The following HYOU1 variants were observed in gnomAD, a reference collection of about 807,000 sequenced individuals.
HYOU1 encodes the protein hypoxia up-regulated 1, also known as hypoxia up-regulated protein 1.
A neutral mutation model predicts 120.5 loss-of-function variants in HYOU1; 40 were observed. That is an observed-to-expected ratio of 0.33 (90% CI 0.26 to 0.43). The LOEUF is 0.43. HYOU1 is among the 20% of genes least tolerant of loss of function. The pLI is 1.00. For missense variants in HYOU1, 1,085 were observed against 1,278.3 expected (o/e 0.85, Z 2.31); for synonymous variants, 501 against 479.4 (o/e 1.05, Z -0.59).
Position 119,048,091 on chromosome 11 carries a change from T to G in HYOU1, c.2377-11A>C, listed in dbSNP as rs2133560793. On this transcript the variant is annotated splice_polypyrimidine_tract_variant and intron_variant, in intron 20 of 25. Coordinates refer to ENST00000617285, the MANE Select transcript of HYOU1 (RefSeq NM_006389.5). This position sits in a 1 kb window ranked among gnomAD's most constrained non-coding sequence, Gnocchi z 4.7. ...CTTCTCCTTCAACATCTGATGGATG[T>G]GCGATTGGGCAGAGGGGTGGAAGGG... 3.2e-5 allele frequency: 51 copies of G among 1,613,974 alleles called. No individual in the cohort carries two copies. The African/African-American group carries it at 4.9e-4, about 16-fold the overall frequency.
rs1434268531 is a variant in HYOU1 at position 119,055,925 on chromosome 11, C to T, written c.92-82G>A. Reference sequence around the variant, plus strand: ...CCCTCTAATCAAAGCATACCACTTTCCATGGGTAAACGAAGATGGCAAAAG... The same window carrying T: ...CCCTCTAATCAAAGCATACCACTTTTCATGGGTAAACGAAGATGGCAAAAG... On this transcript the variant is annotated intron_variant, in intron 2 of 25. Transcript: ENST00000617285. This position sits in a 1 kb window ranked among gnomAD's most constrained non-coding sequence, Gnocchi z 4.0. The T allele has an allele frequency of 7.1e-7, 1 of 1,415,294 alleles. No homozygotes were observed. The highest frequency in any genetic ancestry group is 1.0e-6 in the Non-Finnish European group (1 of 1,000,428). The allele number at this position is 1,415,294 out of a possible 1,614,324, so 87.7% of individuals were successfully genotyped here.
Position 119,051,577 on chromosome 11 carries a change from T to C in HYOU1, c.1387A>G (p.Lys463Glu). The change falls in exon 13 of 26, where the codon AAG becomes GAG. Residue 463 changes from lysine (K) to glutamate (E), a missense_variant. Lys to Glu is a moderately conservative substitution (Grantham distance 56). Around this residue, in one of 4 missense-constraint regions of HYOU1, gnomAD observed 515 missense variants for 677.8 expected, o/e 0.76. Transcript: ENST00000617285. The surrounding 1 kb of genome is among the most constrained non-coding windows in gnomAD (Gnocchi z 4.2). ...GAGAAGAGTACCCGTTTATTGTGCT[T>C]CAGGCTGTGAATCCCAGGCTCCTCC... The part of the protein sequence containing the change: ...VEEEPGIHSL[K>E]HNKRVLFSRM... The C allele has an allele frequency of 6.2e-7, 1 of 1,614,070 alleles. No homozygotes were observed. Among genetic ancestry groups the C allele is most frequent in the Non-Finnish European group, 8.5e-7 (1 of 1,180,008 alleles).
rs2133611364 is a variant in HYOU1, at chr11:119,055,223, G to C, written c.381C>G (p.Phe127Leu). The C allele has an allele frequency of 6.2e-7, 1 of 1,613,994 alleles. No homozygotes were observed. The highest frequency in any genetic ancestry group is 8.5e-7 in the Non-Finnish European group (1 of 1,180,020). The change falls in exon 5 of 26, where the codon TTC (phenylalanine) becomes TTG (leucine). Residue 127 changes from phenylalanine to leucine, a missense_variant. Phe to Leu is a conservative substitution (Grantham distance 22). This residue lies in a region of HYOU1 where 515 missense variants were observed against 677.8 expected (regional missense o/e 0.76). Transcript: ENST00000617285. The surrounding 1 kb of genome is among the most constrained non-coding windows in gnomAD (Gnocchi z 4.0). ...AGTGCACAGTCTGCCTCTGTGGGTC[G>C]AAAGTCAGCTCGTGCTCCGGGAAGC... ...QARFPEHELT[F>L]DPQRQTVHFQ...
At chr11:119,053,847 A>C (rs1482871671) in intron 8 of HYOU1, 1 of 333,568 alleles carries the variant, frequency 3.0e-6, no homozygotes, top group Non-Finnish European at 5.5e-6. Context: ...CAAAAACATG[A>C]TTGAATCTGA....
rs1340775327 is a variant in HYOU1 at position 119,049,599 on chromosome 11, C to T, written c.1763G>A (p.Gly588Asp). The T allele has an allele frequency of 6.2e-7, 1 of 1,614,010 alleles. No individual in the cohort carries two copies. The highest frequency in any genetic ancestry group is 8.5e-7 in the Non-Finnish European group (1 of 1,180,036). The change falls in exon 16 of 26, where the codon GGT (glycine) becomes GAT (aspartate). Residue 588 changes from glycine to aspartate, a missense_variant. Physicochemically the swap from Gly to Asp is moderately conservative, Grantham distance 94. This residue lies in a region of HYOU1 where 516 missense variants were observed against 517.1 expected (regional missense o/e 1.00). Transcript: ENST00000617285. ...GNTISSLFGG[G>D]TTPDAKENGT... ...ATTCTCCTTGGCATCTGGTGTGGTACCGCCTCCAAACAGGCTGGAAATGGT... is the reference window on the plus strand; with the variant it reads ...ATTCTCCTTGGCATCTGGTGTGGTATCGCCTCCAAACAGGCTGGAAATGGT...
rs2133588517 is a variant in HYOU1 at position 119,051,879 on chromosome 11, G to A, written c.1278C>T (p.Leu426=). 22 of 1,614,158 alleles carry A rather than the reference G, an allele frequency of 1.4e-5. No homozygotes were observed. The East Asian group carries it at 4.5e-4, about 33-fold the overall frequency. ...ATGGCTTCACTTTAAAGGCTTTGCTGAGCGCAGCTGCCTGGTACACTGCCC... is the reference window on the plus strand; with the variant it reads ...ATGGCTTCACTTTAAAGGCTTTGCTAAGCGCAGCTGCCTGGTACACTGCCC... ...AMGAVYQAAA[L]SKAFKVKPFV... is the part of the protein sequence containing the mutation. The change falls in exon 12 of 26, where the codon CTC becomes CTT. Residue 426 remains leucine (L), a synonymous_variant. Coordinates refer to ENST00000617285, the MANE Select transcript of HYOU1 (RefSeq NM_006389.5). This position sits in a 1 kb window ranked among gnomAD's most constrained non-coding sequence, Gnocchi z 4.2.
rs2133588185 is a variant in HYOU1, at chr11:119,051,824, T to C, written c.1333A>G (p.Ile445Val). ...GCTCAGTCAGGCTCACTCACCAGGATGGGGTAGACCACTGCATCTCGGACG... is the reference window on the plus strand; with the variant it reads ...GCTCAGTCAGGCTCACTCACCAGGACGGGGTAGACCACTGCATCTCGGACG... ...FVVRDAVVYPILVEFTREVEE... is the reference protein window; with the variant it reads ...FVVRDAVVYPVLVEFTREVEE... The change falls in exon 12 of 26, where the codon ATC becomes GTC. Residue 445 changes from isoleucine (I) to valine (V), a missense_variant. Ile to Val is a conservative substitution (Grantham distance 29, BLOSUM62 3). This residue lies in a region of HYOU1 where 515 missense variants were observed against 677.8 expected (regional missense o/e 0.76). Coordinates refer to ENST00000617285, the MANE Select transcript of HYOU1 (RefSeq NM_006389.5). This position sits in a 1 kb window ranked among gnomAD's most constrained non-coding sequence, Gnocchi z 4.2. The C allele has an allele frequency of 6.2e-7, 1 of 1,614,128 alleles. No homozygotes were observed. The highest frequency in any genetic ancestry group is 8.5e-7 in the Non-Finnish European group (1 of 1,180,000).
rs1195939452 is a variant in HYOU1 at position 119,047,928 on chromosome 11, G to A, written c.2510+19C>T. 5 of 1,614,064 alleles carry A rather than the reference G, an allele frequency of 3.1e-6. No individual in the cohort carries two copies. In the East Asian group the frequency reaches 6.7e-5, roughly 22 times the overall value. ...AGTGGCCTTGGCAGGACTGCAAAAA[G>A]GGTTCAGGGGCTGCTCACTTGAGGA... On this transcript the variant is annotated intron_variant, in intron 21 of 25. Transcript: ENST00000617285.
intron 16 of HYOU1, 25 bp from the exon 17 acceptor site, chr11:119,049,228 G>C (rs2133570902): frequency 1.9e-6 from 3 of 1,588,022 alleles, no homozygotes; most frequent in East Asian, 4.5e-5. Flanking sequence ...AGGCGCCCCA[G>C]GGAACGATCA....
In HYOU1 at chr11:119,048,843, G is replaced by A. The variant is rs1186136436; in HGVS notation, c.2036C>T (p.Pro679Leu). Residue 679 changes from proline (P) to leucine (L), a missense_variant, in exon 18 of 26, where the codon CCA (proline) becomes CTA (leucine). Physicochemically the swap from Pro to Leu is moderately conservative, Grantham distance 98. This residue lies in a region of HYOU1 where 516 missense variants were observed against 517.1 expected (regional missense o/e 1.00). Coordinates refer to ENST00000617285, the MANE Select transcript of HYOU1 (RefSeq NM_006389.5). The surrounding 1 kb of genome is among the most constrained non-coding windows in gnomAD (Gnocchi z 4.7). ...KAEAGPEGVAPAPEGEKKQKP... is the reference protein window; with the variant it reads ...KAEAGPEGVALAPEGEKKQKP... Reference sequence around the variant, plus strand: ...CTGCTTCTTCTCTCCCTCTGGGGCTGGAGCGACGCCCTCAGGCCCTGCCTC... The same window carrying A: ...CTGCTTCTTCTCTCCCTCTGGGGCTAGAGCGACGCCCTCAGGCCCTGCCTC... 10 of 1,613,460 alleles carry A rather than the reference G, an allele frequency of 6.2e-6. No homozygotes were observed. The highest frequency in any genetic ancestry group is 1.3e-5 in the African/African-American group (1 of 74,898).
chr11:119,052,320 G>C lies in HYOU1; in HGVS notation c.1097C>G (p.Ala366Gly), dbSNP rs2133591921. The C allele has an allele frequency of 1.2e-6, 2 of 1,614,196 alleles. No homozygotes were observed. Among genetic ancestry groups the C allele is most frequent in the African/African-American group, 2.7e-5 (2 of 75,044 alleles). ...FERVPGPVQQALQSAEMSLDE... is the reference protein window; with the variant it reads ...FERVPGPVQQGLQSAEMSLDE... ...CAGACTCATTTCGGCACTCTGGAGGGCCTGCTGTACAGGCCCAGGCACCCG... is the reference window on the plus strand; with the variant it reads ...CAGACTCATTTCGGCACTCTGGAGGCCCTGCTGTACAGGCCCAGGCACCCG... The change falls in exon 10 of 26, where the codon GCC becomes GGC. Residue 366 changes from alanine (A) to glycine (G), a missense_variant. Ala to Gly is a moderately conservative substitution (Grantham distance 60). Around this residue, in one of 4 missense-constraint regions of HYOU1, gnomAD observed 515 missense variants for 677.8 expected, o/e 0.76. Transcript: ENST00000617285. The surrounding 1 kb of genome is among the most constrained non-coding windows in gnomAD (Gnocchi z 5.0).
chr11:119,048,975 T>G lies in HYOU1; in HGVS notation c.1992+43A>C. On this transcript the variant is annotated intron_variant, in intron 17 of 25. Transcript: ENST00000617285. The surrounding 1 kb of genome is among the most constrained non-coding windows in gnomAD (Gnocchi z 4.7). ...AGAAACAAGGCAGGCGCCTGCTCCC[T>G]TAGCCTCTGGATCCACACTGGCCTT... 3.7e-6 allele frequency: 6 copies of G among 1,612,580 alleles called. No individual in the cohort carries two copies. Among genetic ancestry groups the G allele is most frequent in the Non-Finnish European group, 5.1e-6 (6 of 1,178,834 alleles).
Position 119,055,600 on chromosome 11 carries a change from G to A in HYOU1, c.186-29C>T. The A allele has an allele frequency of 6.3e-7, 1 of 1,596,434 alleles. No homozygotes were observed. Among genetic ancestry groups the A allele is most frequent in the Non-Finnish European group, 8.6e-7 (1 of 1,163,938 alleles). On this transcript the variant is annotated intron_variant, in intron 3 of 25. Coordinates refer to ENST00000617285, the MANE Select transcript of HYOU1 (RefSeq NM_006389.5). The surrounding 1 kb of genome is among the most constrained non-coding windows in gnomAD (Gnocchi z 4.0). ...AGGAAAAGAGATTTTGGGCCCAGGT[G>A]CCTGCAGCAGAAGGACTCAGAAGCC... is the stretch of plus-strand genomic sequence containing the variant.
At position 119,054,192 on chromosome 11, in the gene HYOU1, G is replaced by A; in HGVS notation, c.723C>T (p.Thr241=). Residue 241 remains threonine (T), a synonymous_variant, in exon 8 of 26, where the codon ACC becomes ACT. Transcript: ENST00000617285. The part of the protein sequence containing the change: ...YDMGSGSTVC[T]IVTYQMVKTK... ...TCTTCACCATCTGGTAGGTCACAAT[G>A]GTGCATACGGTGCTGCCTGAGCCCA... 1.2e-6 allele frequency: 2 copies of A among 1,614,070 alleles called. No homozygotes were observed. The highest frequency in any genetic ancestry group is 8.5e-7 in the Non-Finnish European group (1 of 1,179,932).
In HYOU1 at chr11:119,046,483, G is replaced by A. The variant is rs2133550172; in HGVS notation, c.2837-16C>T. The A allele has an allele frequency of 6.2e-7, 1 of 1,614,118 alleles. No individual in the cohort carries two copies. Among genetic ancestry groups the A allele is most frequent in the South Asian group, 1.1e-5 (1 of 91,086 alleles). ...TCAGTCTGGCCTAGAAGGAAACCAG[G>A]GGTAAGACATAGCCTCAGGAAGGAA... is the stretch of plus-strand genomic sequence containing the variant. On this transcript the variant is annotated splice_polypyrimidine_tract_variant and intron_variant, in intron 23 of 25. Transcript: ENST00000617285.
intron 24 of HYOU1, among the ~76,000 whole-genome samples, chr11:119,046,153 A>G (rs897398352): frequency 6.6e-6 from 1 of 151,090 alleles, no homozygotes; most frequent in Non-Finnish European, 1.5e-5. Flanking sequence ...TTTAGTAAAG[A>G]TGGGGTTTCA....
At position 119,055,324 on chromosome 11, in the gene HYOU1, T is replaced by G. The variant is rs147753177; in HGVS notation, c.280A>C (p.Lys94Gln). Residue 94 changes from lysine (K) to glutamine (Q), a missense_variant, in exon 5 of 26, where the codon AAG (lysine) becomes CAG (glutamine). By Grantham distance (53) the Lys-to-Gln change is moderately conservative (BLOSUM62 1). Around this residue, in one of 4 missense-constraint regions of HYOU1, gnomAD observed 515 missense variants for 677.8 expected, o/e 0.76. Transcript: ENST00000617285. This position sits in a 1 kb window ranked among gnomAD's most constrained non-coding sequence, Gnocchi z 4.0. ...SAASMAIKNP[K>Q]ATLRYFQHLL... ...TGCTGGAAGTAACGTAGCGTAGCCTTTGGATTCTTAATCGCCTGAGGGGTG... is the reference window on the plus strand; with the variant it reads ...TGCTGGAAGTAACGTAGCGTAGCCTGTGGATTCTTAATCGCCTGAGGGGTG... 1.3e-4 allele frequency: 208 copies of G among 1,613,436 alleles called. No homozygotes were observed. Among genetic ancestry groups the G allele is most frequent in the Non-Finnish European group, 1.7e-4 (203 of 1,179,660 alleles).
At chr11:119,046,297 T>C in intron 24 of HYOU1, 120 bp downstream of exon 24, 1 of 862,066 alleles carries the variant, frequency 1.2e-6, no homozygotes, top group Non-Finnish European at 1.8e-6. Flanking sequence ...AAACAACCCT[T>C]TAAAAACGCA....
intron 24 of HYOU1, 146 bp from the exon 25 acceptor site, chr11:119,045,977 G>A: frequency 1.2e-6 from 1 of 823,526 alleles, no homozygotes; most frequent in South Asian, 1.6e-5. Flanking sequence ...TCTGTTTTTT[G>A]AGACAGAGTC....
Sources: gnomAD v4.1 joint callset for allele counts (sites outside exome capture counted in the v4.1 genomes callset) on GRCh38, gnomAD v4.1.1 for gene constraint, gnomAD v4.1.1 regional missense constraint, Gnocchi (gnomAD v3.1) non-coding constraint, MANE v1.5 for transcripts, NCBI Gene and HGNC (gene_info 2026-07-23, HGNC 2026-07-21) for gene names.